The following TENM4 variants were observed in gnomAD, a reference collection of about 807,000 sequenced individuals.
The protein encoded by TENM4 is teneurin transmembrane protein 4.
A neutral mutation model predicts 243.3 loss-of-function variants in TENM4; 82 were observed. That is an observed-to-expected ratio of 0.34 (90% CI 0.28 to 0.40). The LOEUF (loss-of-function observed/expected upper bound fraction) is 0.40, where lower values mean the gene tolerates loss of function less well. Among genes scored for constraint, TENM4 ranks in the 10% least tolerant of loss-of-function variants. The pLI is 1.00. For missense variants in TENM4, 3,138 were observed against 3,673.3 expected, an observed-to-expected ratio of 0.85 and a Z score of 3.77; for synonymous variants, 1,412 against 1,456.3, an observed-to-expected ratio of 0.97 and a Z score of 0.69.
chr11:78,667,034 A>G (rs1858175256), intron 32 of TENM4, among the ~76,000 whole-genome samples: 1 of 152,156 alleles, frequency 6.6e-6, no homozygotes, highest in African/African-American at 2.4e-5. Flanking sequence ...CAGGAAACTC[A>G]TTGGAGAGTG....
chr11:78,663,067 G>A (rs763571626), intron 32 of TENM4, among the ~76,000 whole-genome samples: 17 of 152,296 alleles, frequency 1.1e-4, no homozygotes, highest in Middle Eastern at 6.8e-3. Context: ...GACTGTGGCC[G>A]GAGCAAGAAG....
chr11:79,023,064 G>A (rs543071394), intron 6 of TENM4, among the ~76,000 whole-genome samples: 152 of 152,206 alleles, frequency 1.0e-3, no homozygotes, highest in African/African-American at 3.3e-3. Flanking sequence ...TCCAAATCCT[G>A]TGCCTCTAAC....
At chr11:79,101,976 C>T (rs1218724502) in intron 4 of TENM4, among the ~76,000 whole-genome samples, 3 of 152,240 alleles carry the variant, frequency 2.0e-5, no homozygotes, top group East Asian at 1.9e-4. Flanking sequence ...AGGGCCAGAT[C>T]GTGTGAGTTT....
At chr11:79,243,694 T>C (rs1855464275) in intron 2 of TENM4, among the ~76,000 whole-genome samples, 3 of 152,188 alleles carry the variant, frequency 2.0e-5, no homozygotes, top group Non-Finnish European at 2.9e-5. Context: ...GAGCCTCCCG[T>C]GGAGCCGGGA....
chr11:79,110,259 C>A (rs533335717), intron 4 of TENM4, among the ~76,000 whole-genome samples: 1 of 152,212 alleles, frequency 6.6e-6, no homozygotes, highest in African/African-American at 2.4e-5. Flanking sequence ...TTGCCATAAG[C>A]CTACTATACA....
chr11:79,095,001 G>A (rs1366028395), intron 4 of TENM4, among the ~76,000 whole-genome samples: 2 of 152,224 alleles, frequency 1.3e-5, no homozygotes, highest in African/African-American at 4.8e-5. Context: ...CCTGCAAGGA[G>A]GCTTGGAGTC....
intron 1 of TENM4, among the ~76,000 whole-genome samples, chr11:79,320,724 A>G (rs757848026): frequency 2.6e-5 from 4 of 152,240 alleles, no homozygotes; most frequent in Non-Finnish European, 5.9e-5. Context: ...GATAATGATG[A>G]TAAGAATGAA....
intron 4 of TENM4, among the ~76,000 whole-genome samples, chr11:79,117,622 G>T (rs1033624264): frequency 6.6e-6 from 1 of 152,186 alleles, no homozygotes; most frequent in African/African-American, 2.4e-5. Flanking sequence ...GTTCAAGCCA[G>T]TTCCAAGTGT....
intron 2 of TENM4, among the ~76,000 whole-genome samples, chr11:79,264,350 G>C (rs560438278): frequency 1.3e-5 from 2 of 152,256 alleles, no homozygotes; most frequent in Non-Finnish European, 2.9e-5. Flanking sequence ...AGAAGAGAAA[G>C]TAAGCTTTAT....
chr11:79,025,687 C>T (rs934338866), intron 6 of TENM4, among the ~76,000 whole-genome samples: 1 of 152,196 alleles, frequency 6.6e-6, no homozygotes, highest in African/African-American at 2.4e-5. Flanking sequence ...TCTGGCTCCC[C>T]AGTGTGGGCA....
chr11:78,942,971 C>T (rs937766536), intron 6 of TENM4, among the ~76,000 whole-genome samples: 4 of 152,124 alleles, frequency 2.6e-5, no homozygotes, highest in Non-Finnish European at 4.4e-5. Context: ...CCTGTCAGGC[C>T]GGAAGTGCTC....
At chr11:78,693,164 C>T (rs370260360) in intron 28 of TENM4, among the ~76,000 whole-genome samples, 12 of 152,188 alleles carry the variant, frequency 7.9e-5, no homozygotes, top group South Asian at 4.2e-4. Context: ...CTGAGAGCAA[C>T]GAAGAAATTC....
At chr11:79,022,281 C>T (rs1858949635) in intron 6 of TENM4, among the ~76,000 whole-genome samples, 1 of 152,142 alleles carries the variant, frequency 6.6e-6, no homozygotes, top group South Asian at 2.1e-4. Context: ...TTCAGAGAGG[C>T]CCAATAGTCG....
intron 16 of TENM4, among the ~76,000 whole-genome samples, chr11:78,784,263 A>C (rs1039366083): frequency 6.6e-6 from 1 of 152,220 alleles, no homozygotes; most frequent in Admixed American, 6.5e-5. Flanking sequence ...AAACAAGGAA[A>C]TGCTTCTTGT....
intron 3 of TENM4, among the ~76,000 whole-genome samples, chr11:79,202,727 G>A (rs1863768110): frequency 6.6e-6 from 1 of 152,202 alleles, no homozygotes; most frequent in Admixed American, 6.5e-5. Flanking sequence ...CATTCATGAA[G>A]AGCAGTGCTC....
At chr11:79,361,432 T>C (rs1241107282) in intron 1 of TENM4, among the ~76,000 whole-genome samples, 1 of 152,222 alleles carries the variant, frequency 6.6e-6, no homozygotes, top group Non-Finnish European at 1.5e-5. Flanking sequence ...CTTCAATGAA[T>C]CCTCATCCAT....
intron 9 of TENM4, among the ~76,000 whole-genome samples, chr11:78,888,512 T>A (rs1855592945): frequency 6.6e-6 from 1 of 152,218 alleles, no homozygotes; most frequent in Admixed American, 6.5e-5. Context: ...TTTATAAAAT[T>A]CAAGAATCTT....
chr11:79,320,546 T>C (rs1856871272), intron 1 of TENM4, among the ~76,000 whole-genome samples: 1 of 152,194 alleles, frequency 6.6e-6, no homozygotes, highest in African/African-American at 2.4e-5. Context: ...TGTGGTAAAC[T>C]AAGTCTCAGG....
chr11:78,814,274 C>G lies in TENM4; in HGVS notation c.1783+20G>C, dbSNP rs763223985. 27 of 1,547,934 alleles carry G rather than the reference C, an allele frequency of 1.7e-5. 1 individual carries two copies. The highest frequency in any genetic ancestry group is 2.3e-5 in the Non-Finnish European group (26 of 1,145,158). On this transcript the variant is annotated intron_variant, in intron 13 of 33. Coordinates refer to ENST00000278550, the MANE Select transcript of TENM4 (RefSeq NM_001098816.3). ...GGGTCTGGGAAGCAGAAATCCAGAG[C>G]TCCAATGCAGAGTTCTCACCTCTGC...
Sources: gnomAD v4.1 joint callset for allele counts (sites outside exome capture counted in the v4.1 genomes callset) on GRCh38, gnomAD v4.1.1 for gene constraint, MANE v1.5 for transcripts, NCBI Gene and HGNC (gene_info 2026-07-23, HGNC 2026-07-21) for gene names.